The following ZFTRAF1 variants were observed in gnomAD, a reference collection of about 807,000 sequenced individuals.
The protein encoded by ZFTRAF1 is zinc finger TRAF-type and ring finger containing 1.
the ZFTRAF1 span, among the ~76,000 whole-genome samples, chr8:144,461,828 G>C: frequency 6.6e-6 from 1 of 152,140 alleles, no homozygotes; most frequent in Non-Finnish European, 1.5e-5. Flanking sequence ...CAAACTCGGG[G>C]GTGTGGCTGC....
the ZFTRAF1 span, chr8:144,453,581 G>A: frequency 2.2e-5 from 19 of 855,868 alleles, no homozygotes; most frequent in East Asian, 2.1e-4. Context: ...GCAGAGGGGC[G>A]CACGTGCCTG....
At chr8:144,450,915 A>T in the ZFTRAF1 span, 1 of 596,746 alleles carries the variant, frequency 1.7e-6, no homozygotes, top group East Asian at 2.8e-5. Flanking sequence ...TGTCACAAGC[A>T]AGCCAAACGC....
At chr8:144,462,484 G>A in the ZFTRAF1 span, 1 of 193,590 alleles carries the variant, frequency 5.2e-6, no homozygotes, top group Middle Eastern at 1.9e-3. Flanking sequence ...CGCCCGCCAA[G>A]CCCGCCTCGT....
At chr8:144,462,364 GCCGGCCGCCGCCGCCGCCGCCGCCGCC>G in the ZFTRAF1 span, 2 of 483,788 alleles carry the variant, frequency 4.1e-6, no homozygotes, top group Non-Finnish European at 7.5e-6. Flanking sequence ...GTTTCCCGCT[GCCGGCCGCCGCCGCCGCCGCCGCCGCC>G]TCGGCCGCCT....
chr8:144,453,881 C>T, the ZFTRAF1 span: 1 of 183,976 alleles, frequency 5.4e-6, no homozygotes, highest in Non-Finnish European at 1.2e-5. Context: ...GGATGCAGCT[C>T]CCACACTGGG....
the ZFTRAF1 span, chr8:144,453,519 C>A: frequency 7.1e-7 from 1 of 1,417,764 alleles, no homozygotes; most frequent in Non-Finnish European, 9.6e-7. Context: ...CTCGCACACA[C>A]CCGCCCATGC....
chr8:144,451,038 G>A, the ZFTRAF1 span: 3,238 of 437,510 alleles, frequency 7.4e-3, 33 homozygotes, highest in Non-Finnish European at 7.7e-3. Flanking sequence ...CACCCCAGGC[G>A]TGCCCGACCC....
the ZFTRAF1 span, chr8:144,453,123 G>A: frequency 9.0e-7 from 1 of 1,105,582 alleles, no homozygotes; most frequent in Non-Finnish European, 1.3e-6. Context: ...AGACAGCAGA[G>A]ACAGCCAGAC....
the ZFTRAF1 span, chr8:144,450,282 G>C: frequency 2.3e-5 from 15 of 641,480 alleles, no homozygotes; most frequent in Non-Finnish European, 4.0e-5. Context: ...TTGCTAAAGT[G>C]ATCAGATAGT....
chr8:144,450,469 T>C, the ZFTRAF1 span: 1 of 718,294 alleles, frequency 1.4e-6, no homozygotes, highest in South Asian at 1.5e-5. Context: ...TGATGGGCAG[T>C]GGCACGTAGT....
chr8:144,454,382 G>C, the ZFTRAF1 span: 1 of 152,356 alleles, frequency 6.6e-6, no homozygotes, highest in African/African-American at 2.4e-5. Flanking sequence ...TTTTGTACCT[G>C]AGCAGACACA....
At chr8:144,460,743 C>A in the ZFTRAF1 span, among the ~76,000 whole-genome samples, 1 of 152,174 alleles carries the variant, frequency 6.6e-6, no homozygotes, top group African/African-American at 2.4e-5. Flanking sequence ...AACAGCCGGG[C>A]ATGGTGGCAG....
the ZFTRAF1 span, among the ~76,000 whole-genome samples, chr8:144,458,483 G>A: frequency 6.6e-6 from 1 of 152,200 alleles, no homozygotes; most frequent in Non-Finnish European, 1.5e-5. Flanking sequence ...AGGAGACTGG[G>A]GAAGAGGGGC....
At chr8:144,462,246 C>T in the ZFTRAF1 span, 4 of 510,938 alleles carry the variant, frequency 7.8e-6, no homozygotes, top group Non-Finnish European at 1.4e-5. Flanking sequence ...GCTGCAGCCC[C>T]GGGCTGGGCC....
the ZFTRAF1 span, chr8:144,452,149 A>C: frequency 1.5e-6 from 1 of 651,778 alleles, no homozygotes; most frequent in Non-Finnish European, 2.8e-6. Flanking sequence ...ACAGGTGTGC[A>C]CCTGGGGTCT....
the ZFTRAF1 span, chr8:144,452,245 G>A: frequency 2.3e-5 from 28 of 1,215,156 alleles, no homozygotes; most frequent in Admixed American, 1.8e-4. Context: ...TCCAGAGCCC[G>A]GCTGTCCGGC....
chr8:144,459,921 T>C, the ZFTRAF1 span, among the ~76,000 whole-genome samples: 4 of 152,310 alleles, frequency 2.6e-5, no homozygotes, highest in South Asian at 8.3e-4. Context: ...ATCAACGTGG[T>C]CACCAAGGAA....
the ZFTRAF1 span, chr8:144,453,897 C>T: frequency 1.1e-5 from 2 of 180,876 alleles, no homozygotes; most frequent in Non-Finnish European, 2.4e-5. Context: ...CTGGGGCAGG[C>T]ATGCTCTCTG....
the ZFTRAF1 span, among the ~76,000 whole-genome samples, chr8:144,458,856 T>C: frequency 6.6e-6 from 1 of 152,216 alleles, no homozygotes; most frequent in African/African-American, 2.4e-5. Context: ...CAGGGCACTG[T>C]GCAGGGCCGA....
Sources: gnomAD v4.1 joint callset for allele counts (sites outside exome capture counted in the v4.1 genomes callset) on GRCh38, gnomAD v4.1.1 for gene constraint, MANE v1.5 for transcripts, NCBI Gene and HGNC (gene_info 2026-07-23, HGNC 2026-07-21) for gene names.